The following CACNA1I variants were observed in gnomAD, a reference collection of about 807,000 sequenced individuals.
CACNA1I encodes the protein calcium voltage-gated channel subunit alpha1 I, also known as voltage-dependent T-type calcium channel subunit alpha-1I.
In CACNA1I, 74 loss-of-function variants were observed where a neutral mutation model predicts 201.6. The ratio of observed to expected loss-of-function variants is 0.37; its 90% CI spans 0.30 to 0.45. CACNA1I has a LOEUF of 0.45. Among genes scored for constraint, CACNA1I ranks in the 20% least tolerant of loss-of-function variants. The pLI is 1.00. For synonymous variants in CACNA1I, 1,431 were observed against 1,345.2 expected, an observed-to-expected ratio of 1.06 and a Z score of -1.40; for missense variants, 2,346 against 3,138.1, an observed-to-expected ratio of 0.75 and a Z score of 6.03.
In CACNA1I at chr22:39,662,298, C is replaced by T. The variant is rs1048987823; in HGVS notation, c.3235C>T (p.Arg1079Trp). ...GGTGCCCGCGGTGGGCGCCCACCCCCGGGCCGCCTGGAGGGCGGCAGGCCC... is the reference window on the plus strand; with the variant it reads ...GGTGCCCGCGGTGGGCGCCCACCCCTGGGCCGCCTGGAGGGCGGCAGGCCC... ...ELVPAVGAHP[R>W]AAWRAAGPAP... is the part of the protein sequence containing the mutation. The change falls in exon 17 of 37, where the codon CGG (arginine) becomes TGG (tryptophan). Residue 1079 changes from arginine to tryptophan, a missense_variant. Around this residue, in one of 13 missense-constraint regions of CACNA1I, gnomAD observed 288 missense variants for 255.2 expected, o/e 1.13. Transcript: ENST00000402142. 6 of 1,500,290 alleles carry T rather than the reference C, an allele frequency of 4.0e-6. No individual in the cohort carries two copies. The African/African-American group carries it at 5.8e-5, about 15-fold the overall frequency. 92.9% of individuals were successfully genotyped at this position (1,500,290 alleles called of 1,614,324 possible).
chr22:39,602,529 T>G (rs1308137435), intron 3 of CACNA1I, among the ~76,000 whole-genome samples: 2 of 145,754 alleles, frequency 1.4e-5, no homozygotes, highest in Admixed American at 1.4e-4. Context: ...TTATTCTGGT[T>G]TGGCTGGAGA....
At position 39,676,380 on chromosome 22, in the gene CACNA1I, G is replaced by A. The variant is rs576531869; in HGVS notation, c.4855-961G>A. On this transcript the variant is annotated intron_variant, in intron 29 of 36. Coordinates refer to ENST00000402142, the MANE Select transcript of CACNA1I (RefSeq NM_021096.4). This position sits in a 1 kb window ranked among gnomAD's most constrained non-coding sequence, Gnocchi z 4.8. ...AGGAAACCCTGCTCTGGAGTGGAGC[G>A]GAGAAACTCGAGGAGTGGTGATTAA... Among the ~76,000 whole-genome samples the A allele has an allele frequency of 2.5e-3, 379 of 152,306 alleles. 3 individuals carry two copies. The highest frequency in any genetic ancestry group is 8.6e-3 in the African/African-American group (356 of 41,554).
intron 7 of CACNA1I, among the ~76,000 whole-genome samples, chr22:39,646,002 C>T (rs563026105): frequency 2.3e-4 from 35 of 152,336 alleles, no homozygotes; most frequent in African/African-American, 6.7e-4. Flanking sequence ...GGGAAGCCCA[C>T]GACGGGCTGT....
chr22:39,577,582 G>T (rs566164712), intron 1 of CACNA1I, among the ~76,000 whole-genome samples: 2 of 152,386 alleles, frequency 1.3e-5, no homozygotes, highest in South Asian at 2.1e-4. Flanking sequence ...CATTTCCTGA[G>T]TGTGAGCTGT....
At chr22:39,671,496 C>A (rs1413604875) in intron 26 of CACNA1I, among the ~76,000 whole-genome samples, 1 of 152,130 alleles carries the variant, frequency 6.6e-6, no homozygotes, top group East Asian at 1.9e-4. Flanking sequence ...GGTGGAAGGA[C>A]CATTTCAGGC....
intron 33 of CACNA1I, 69 bp downstream of exon 33, chr22:39,679,937 C>T (rs976290265): frequency 8.1e-5 from 121 of 1,490,632 alleles, no homozygotes; most frequent in Middle Eastern, 1.9e-4. Context: ...GGGGCCTGTC[C>T]GAGGGCAGAG....
intron 3 of CACNA1I, among the ~76,000 whole-genome samples, chr22:39,614,861 G>A (rs766910623): frequency 2.6e-5 from 4 of 152,232 alleles, no homozygotes; most frequent in East Asian, 1.9e-4. Context: ...CTCCTGGGGC[G>A]ACTTCAGGAT....
At chr22:39,616,149 G>C (rs146510831) in intron 3 of CACNA1I, among the ~76,000 whole-genome samples, 19 of 152,310 alleles carry the variant, frequency 1.2e-4, no homozygotes, top group Middle Eastern at 3.4e-3. Context: ...CCAATGTGTT[G>C]CTCCAGGCCT....
chr22:39,656,670 G>GAATT (rs1569084181), intron 10 of CACNA1I: 1 of 519,008 alleles, frequency 1.9e-6, no homozygotes, highest in East Asian at 5.4e-5. Context: ...ATGAATGAAT[G>GAATT]AATTTGGCTG....
intron 3 of CACNA1I, among the ~76,000 whole-genome samples, chr22:39,607,640 T>C (rs1330369425): frequency 6.6e-6 from 1 of 152,158 alleles, no homozygotes; most frequent in Admixed American, 6.5e-5. Context: ...TTTGAATAAT[T>C]TTCATGACAG....
At chr22:39,656,782 C>T in intron 10 of CACNA1I, 1 of 519,010 alleles carries the variant, frequency 1.9e-6, no homozygotes, top group South Asian at 1.4e-5. Context: ...CTGAACAAGT[C>T]ATTCCCCCTC....
At position 39,646,658 on chromosome 22, in the gene CACNA1I, G is replaced by A; in HGVS notation, c.1239G>A (p.Leu413=). The change falls in exon 8 of 37, where the codon CTG becomes CTA. Residue 413 remains leucine, a synonymous_variant. Coordinates refer to ENST00000402142, the MANE Select transcript of CACNA1I (RefSeq NM_021096.4). ...ETKQREHRLM[L]EQRQRYLSSS... ...AGCAACGGGAGCACCGGCTGATGCT[G>A]GAGCAGCGGCAGCGCTACCTGTCCT... The A allele has an allele frequency of 1.3e-6, 2 of 1,578,040 alleles. No homozygotes were observed. Among genetic ancestry groups the A allele is most frequent in the Non-Finnish European group, 1.7e-6 (2 of 1,162,424 alleles).
At chr22:39,572,996 C>T (rs372245167) in intron 1 of CACNA1I, among the ~76,000 whole-genome samples, 6 of 152,166 alleles carry the variant, frequency 3.9e-5, no homozygotes, top group South Asian at 2.1e-4. Context: ...ACTCGTGAAC[C>T]GCCTGCCTCG....
At chr22:39,623,148 C>T (rs1361137931) in intron 4 of CACNA1I, among the ~76,000 whole-genome samples, 1 of 152,184 alleles carries the variant, frequency 6.6e-6, no homozygotes, top group Non-Finnish European at 1.5e-5. Flanking sequence ...GCCAGGCGGG[C>T]TTCTCTACAT....
intron 1 of CACNA1I, among the ~76,000 whole-genome samples, chr22:39,579,425 G>C (rs1394084583): frequency 6.6e-6 from 1 of 152,246 alleles, no homozygotes; most frequent in Non-Finnish European, 1.5e-5. Context: ...ATGGCTGGCT[G>C]TATCTGTCTG....
chr22:39,643,038 C>T, intron 7 of CACNA1I, 149 bp downstream of exon 7: 1 of 607,170 alleles, frequency 1.6e-6, no homozygotes, highest in Non-Finnish European at 2.9e-6. Context: ...TTCTCAGCAC[C>T]ACCGGGCAGC....
At chr22:39,617,167 C>T (rs1933562682) in intron 3 of CACNA1I, among the ~76,000 whole-genome samples, 1 of 152,214 alleles carries the variant, frequency 6.6e-6, no homozygotes, top group Admixed American at 6.5e-5. Context: ...AACAGCCTTG[C>T]TTTTCTGTCT....
intron 23 of CACNA1I, 78 bp from the exon 24 acceptor site, chr22:39,668,212 TAG>T (rs1407447565): frequency 6.1e-6 from 5 of 814,964 alleles, no homozygotes; most frequent in Non-Finnish European, 4.2e-6. Context: ...GGCAGAAGAA[TAG>T]AGAGCTGAGG....
chr22:39,623,233 GGAC>G (rs1247544085), intron 4 of CACNA1I, among the ~76,000 whole-genome samples: 1 of 151,682 alleles, frequency 6.6e-6, no homozygotes, highest in Non-Finnish European at 1.5e-5. Flanking sequence ...ACACGTGTGA[GGAC>G]GTGTGTGCAC....
Sources: gnomAD v4.1 joint callset for allele counts (sites outside exome capture counted in the v4.1 genomes callset) on GRCh38, gnomAD v4.1.1 for gene constraint, gnomAD v4.1.1 regional missense constraint, Gnocchi (gnomAD v3.1) non-coding constraint, MANE v1.5 for transcripts, NCBI Gene and HGNC (gene_info 2026-07-23, HGNC 2026-07-21) for gene names.